The following ANKRD12 variants were observed in gnomAD, a reference collection of about 807,000 sequenced individuals.
The protein encoded by ANKRD12 is ankyrin repeat domain 12.
In ANKRD12, 85 loss-of-function variants were observed where a neutral mutation model predicts 183.4. That is an observed-to-expected ratio of 0.46 (90% CI 0.39 to 0.56). The LOEUF (loss-of-function observed/expected upper bound fraction) is 0.56, where lower values mean the gene tolerates loss of function less well. Among genes scored for constraint, ANKRD12 ranks in the 20% least tolerant of loss-of-function variants. ANKRD12 has a pLI of 0.00. For synonymous variants in ANKRD12, 914 were observed against 800.2 expected (o/e 1.14, Z -2.40); for missense variants, 2,405 against 2,357.1 (o/e 1.02, Z -0.42).
chr18:9,200,603 C>T (rs1218063127), intron 3 of ANKRD12: 3 of 152,140 alleles, frequency 2.0e-5, no homozygotes, highest in Admixed American at 6.5e-5. Flanking sequence ...AGTGTTGACC[C>T]TAAGCCCCCT....
chr18:9,256,918 T>G lies in ANKRD12; in HGVS notation c.3651T>G (p.His1217Gln). Residue 1217 changes from histidine to glutamine, a missense_variant, in exon 9 of 13, where the codon CAT becomes CAG. Around this residue, in one of 7 missense-constraint regions of ANKRD12, gnomAD observed 1,983 missense variants for 1,725.9 expected, o/e 1.15. Transcript: ENST00000262126. ...ISVASSEDSC[H>Q]TTVTTPRPPV... is the part of the protein sequence containing the mutation. ...TTGCTAGTTCAGAAGATTCCTGCCA[T>G]ACTACAGTGACAACCCCAAGGCCTC... is the stretch of plus-strand genomic sequence containing the variant. The G allele has an allele frequency of 6.2e-7, 1 of 1,614,076 alleles. No individual in the cohort carries two copies.
At chr18:9,268,471 G>C (rs543218362) in intron 10 of ANKRD12, among the ~76,000 whole-genome samples, 3 of 152,126 alleles carry the variant, frequency 2.0e-5, no homozygotes, top group East Asian at 3.8e-4. Flanking sequence ...TTCAGCATAC[G>C]CAAATCAATA....
At chr18:9,189,544 T>C (rs757761716) in intron 2 of ANKRD12, among the ~76,000 whole-genome samples, 2 of 152,240 alleles carry the variant, frequency 1.3e-5, no homozygotes, top group East Asian at 1.9e-4. Flanking sequence ...AATCCCTGGC[T>C]TCAAAGCTTC....
intron 8 of ANKRD12, among the ~76,000 whole-genome samples, chr18:9,253,790 T>C (rs921022595): frequency 1.3e-5 from 2 of 152,218 alleles, no homozygotes; most frequent in African/African-American, 4.8e-5. Context: ...ACAGCCACTT[T>C]GGAGAACAGT....
intron 12 of ANKRD12, 108 bp downstream of exon 12, chr18:9,279,752 T>G: frequency 1.6e-6 from 1 of 629,032 alleles, no homozygotes; most frequent in Non-Finnish European, 2.8e-6. Flanking sequence ...AAATACTGGT[T>G]AGTCATGAAT....
At chr18:9,265,588 A>C (rs1353616449) in intron 10 of ANKRD12, among the ~76,000 whole-genome samples, 1 of 152,200 alleles carries the variant, frequency 6.6e-6, no homozygotes, top group Admixed American at 6.5e-5. Context: ...GAAAACTAAC[A>C]AACAGAAAGG....
In ANKRD12 at chr18:9,284,859, A is replaced by G. The variant is rs2040186773; in HGVS notation, c.*3733A>G. Reference sequence around the variant, plus strand: ...TGGGTTTTCCCAGTGGTTAAATGCTATATAATAACTGCAAATAAAAGTTTT... The same window carrying G: ...TGGGTTTTCCCAGTGGTTAAATGCTGTATAATAACTGCAAATAAAAGTTTT... On this transcript the variant is annotated 3_prime_UTR_variant, in exon 13 of 13. Coordinates refer to ENST00000262126, the MANE Select transcript of ANKRD12 (RefSeq NM_015208.5). The G allele has an allele frequency of 6.6e-6, 1 of 152,260 alleles. No individual in the cohort carries two copies. The highest frequency in any genetic ancestry group is 2.4e-5 in the African/African-American group (1 of 41,470). 9.4% of individuals were successfully genotyped at this position (152,260 alleles called of 1,614,324 possible).
chr18:9,178,951 T>C (rs887529149), intron 1 of ANKRD12, among the ~76,000 whole-genome samples: 1 of 152,202 alleles, frequency 6.6e-6, no homozygotes, highest in Non-Finnish European at 1.5e-5. Flanking sequence ...GATTGCTTAT[T>C]GCTAGTATGT....
chr18:9,201,647 G>A (rs1451895321), intron 3 of ANKRD12, among the ~76,000 whole-genome samples: 1 of 152,078 alleles, frequency 6.6e-6, no homozygotes, highest in Non-Finnish European at 1.5e-5. Flanking sequence ...AGCATTGGGG[G>A]ACATGTTTTT....
intron 8 of ANKRD12, among the ~76,000 whole-genome samples, chr18:9,251,612 G>C (rs2038302398): frequency 1.3e-5 from 2 of 152,068 alleles, no homozygotes; most frequent in Admixed American, 1.3e-4. Flanking sequence ...TGACCAACAT[G>C]GTGAAACCCT....
At chr18:9,174,595 CTGGGGG>C (rs765096869) in intron 1 of ANKRD12, among the ~76,000 whole-genome samples, 2 of 152,220 alleles carry the variant, frequency 1.3e-5, no homozygotes, top group Non-Finnish European at 2.9e-5. Context: ...CTTCCCTTGG[CTGGGGG>C]TGGGGGTTCC....
chr18:9,191,689 G>T (rs1456200406), intron 2 of ANKRD12, among the ~76,000 whole-genome samples: 1 of 152,070 alleles, frequency 6.6e-6, no homozygotes, highest in Non-Finnish European at 1.5e-5. Flanking sequence ...GCCTTGCTGA[G>T]CATTGAGAGA....
At chr18:9,272,727 G>T (rs1232832234) in intron 10 of ANKRD12, among the ~76,000 whole-genome samples, 1 of 152,110 alleles carries the variant, frequency 6.6e-6, no homozygotes, top group Non-Finnish European at 1.5e-5. Context: ...ATTACTTCAA[G>T]TTGCACTTTA....
intron 2 of ANKRD12, among the ~76,000 whole-genome samples, chr18:9,191,668 T>C (rs2034463368): frequency 6.6e-6 from 1 of 152,212 alleles, no homozygotes; most frequent in South Asian, 2.1e-4. Context: ...TCTGTTGCTT[T>C]GACTTCTGAG....
intron 8 of ANKRD12, among the ~76,000 whole-genome samples, chr18:9,233,464 G>T (rs1479252007): frequency 6.6e-6 from 1 of 152,006 alleles, no homozygotes; most frequent in African/African-American, 2.4e-5. Context: ...TACTGTGGGG[G>T]TGTCATATTT....
At position 9,281,701 on chromosome 18, in the gene ANKRD12, G is replaced by C. The variant is rs1292784115; in HGVS notation, c.*575G>C. On this transcript the variant is annotated 3_prime_UTR_variant, in exon 13 of 13. Transcript: ENST00000262126. ...GTAATTAATGGTCAAACTGTATAAA[G>C]GGATTGGTAGTCAAAACATGTACAA... The C allele has an allele frequency of 6.6e-6, 1 of 152,646 alleles. No individual in the cohort carries two copies. The highest frequency in any genetic ancestry group is 1.5e-5 in the Non-Finnish European group (1 of 68,042). The allele number at this position is 152,646 out of a possible 1,614,324, so 9.5% of individuals were successfully genotyped here.
intron 3 of ANKRD12, among the ~76,000 whole-genome samples, chr18:9,203,404 GA>G (rs144514851): frequency 6.8e-4 from 103 of 152,152 alleles, no homozygotes; most frequent in African/African-American, 2.3e-3. Flanking sequence ...AGTGATCCTG[GA>G]AAAAAGTTTG....
At chr18:9,262,146 T>C (rs1013764416) in intron 9 of ANKRD12, among the ~76,000 whole-genome samples, 1 of 152,194 alleles carries the variant, frequency 6.6e-6, no homozygotes, top group African/African-American at 2.4e-5. Flanking sequence ...TAATGCTGAT[T>C]ATAGAGTCTG....
intron 1 of ANKRD12, among the ~76,000 whole-genome samples, chr18:9,140,479 T>A (rs75539968): frequency 0.011 from 1,622 of 152,342 alleles, 34 homozygotes; most frequent in African/African-American, 0.037. Context: ...TTCTTTAGCC[T>A]TTGAAAATAT....
Sources: gnomAD v4.1 joint callset for allele counts (sites outside exome capture counted in the v4.1 genomes callset) on GRCh38, gnomAD v4.1.1 for gene constraint, gnomAD v4.1.1 regional missense constraint, MANE v1.5 for transcripts, NCBI Gene and HGNC (gene_info 2026-07-23, HGNC 2026-07-21) for gene names.